ENKUR: variants seen among roughly 807,000 people sequenced by gnomAD.
ENKUR encodes enkurin, TRPC channel interacting protein.
In ENKUR, 19 loss-of-function variants were observed where a neutral mutation model predicts 27.6. The observed-to-expected ratio is 0.69, with a 90% CI of 0.48 to 1.01. ENKUR has a LOEUF of 1.01. Among genes scored for constraint, ENKUR ranks in the 50% least tolerant of loss-of-function variants. The pLI is 0.00. For synonymous variants in ENKUR, 117 were observed against 96.9 expected (o/e 1.21, Z -1.22); for missense variants, 312 against 310.5 (o/e 1.00, Z -0.04).
chr10:25,057,095 A>G (rs1173346134), intron 2 of ENKUR, among the ~76,000 whole-genome samples: 1 of 152,224 alleles, frequency 6.6e-6, no homozygotes, highest in Non-Finnish European at 1.5e-5. Context: ...AGACTCAAGT[A>G]ATAATAGTTG....
upstream of ENKUR, among the ~76,000 whole-genome samples, chr10:25,020,808 C>G (rs1850704754): frequency 6.6e-6 from 1 of 151,134 alleles, no homozygotes; most frequent in Non-Finnish European, 1.5e-5. Flanking sequence ...ATTACTAATA[C>G]AGGTATCAGA....
intron 2 of ENKUR, among the ~76,000 whole-genome samples, chr10:24,997,440 G>A (rs1354992350): frequency 6.7e-6 from 1 of 149,244 alleles, no homozygotes; most frequent in Non-Finnish European, 1.5e-5. Context: ...AGGCTGGAGT[G>A]CAGTGATGCA....
chr10:25,061,862 A>G lies in ENKUR; in HGVS notation c.-222+320T>C, dbSNP rs557700177. 5.9e-5 allele frequency among the ~76,000 whole-genome samples: 9 copies of G among 152,310 alleles called. No individual in the cohort carries two copies. The South Asian group carries it at 1.7e-3, about 28-fold the overall frequency. Reference sequence around the variant, plus strand: ...CTGCTGCATCATCAATGACTGCGTTAGAAACCCCAGCGATTCACTGCTATG... The same window carrying G: ...CTGCTGCATCATCAATGACTGCGTTGGAAACCCCAGCGATTCACTGCTATG... On this transcript the variant is annotated intron_variant, in intron 1 of 5. Transcript: ENST00000615958.
chr10:25,043,475 C>T (rs1374976066), intron 2 of ENKUR, among the ~76,000 whole-genome samples: 2 of 151,888 alleles, frequency 1.3e-5, no homozygotes, highest in African/African-American at 4.8e-5. Context: ...AACATCTTTC[C>T]CCCAGTATAT....
chr10:25,023,239 C>T lies in ENKUR; in HGVS notation c.38-27370G>A, dbSNP rs145170378. ...TGAAAAGAGAATGCTCCACTTTAACCGATGTCATCATCTGAAAAAGATAAC... is the reference window on the plus strand; with the variant it reads ...TGAAAAGAGAATGCTCCACTTTAACTGATGTCATCATCTGAAAAAGATAAC... On this transcript the variant is annotated intron_variant, in intron 2 of 5. Coordinates refer to the ENKUR transcript ENST00000615958. The T allele has an allele frequency of 2.2e-4, 357 of 1,611,318 alleles. 1 individual carries two copies. In the Middle Eastern group the frequency reaches 5.1e-3, roughly 23 times the overall value.
chr10:25,006,420 G>T (rs1258933459), intron 1 of ENKUR, among the ~76,000 whole-genome samples: 1 of 151,830 alleles, frequency 6.6e-6, no homozygotes, highest in Non-Finnish European at 1.5e-5. Flanking sequence ...CTTTGCTTTT[G>T]TCTTTGGACA....
At chr10:25,057,781 G>A (rs560010810) in intron 2 of ENKUR, among the ~76,000 whole-genome samples, 1 of 152,136 alleles carries the variant, frequency 6.6e-6, no homozygotes, top group South Asian at 2.1e-4. Context: ...TTTTGTTTAA[G>A]AGGCAGCCTG....
At chr10:25,037,089 C>T (rs970862071) in intron 2 of ENKUR, among the ~76,000 whole-genome samples, 1 of 152,164 alleles carries the variant, frequency 6.6e-6, no homozygotes, top group African/African-American at 2.4e-5. Context: ...TTCACTTTGC[C>T]TGGAACAAAG....
chr10:25,031,765 A>G (rs1408937341), intron 2 of ENKUR, among the ~76,000 whole-genome samples: 2 of 143,438 alleles, frequency 1.4e-5, no homozygotes, highest in Non-Finnish European at 1.5e-5. Flanking sequence ...AAATTTTTAA[A>G]TTGCTTTCTG....
rs972146844 is a variant in ENKUR at position 25,029,575 on chromosome 10, G to A, written c.37+31537C>T. The stretch of plus-strand genomic sequence containing the variant: ...TTAAAAAAAAAATCATGAAGTAACT[G>A]TTTTCAAATCCATGGAAACATAATA... On this transcript the variant is annotated intron_variant, in intron 2 of 5. Transcript: ENST00000615958. 5.9e-5 allele frequency among the ~76,000 whole-genome samples: 9 copies of A among 152,100 alleles called. No homozygotes were observed. The East Asian group carries it at 1.4e-3, about 23-fold the overall frequency.
intron 2 of ENKUR, among the ~76,000 whole-genome samples, chr10:25,041,401 A>G (rs1295383873): frequency 6.6e-6 from 1 of 151,648 alleles, no homozygotes; most frequent in Non-Finnish European, 1.5e-5. Context: ...GGAGTTTGCT[A>G]AGCTTCTTGA....
chr10:25,005,542 A>T (rs1850292827), intron 1 of ENKUR, among the ~76,000 whole-genome samples: 1 of 152,206 alleles, frequency 6.6e-6, no homozygotes, highest in Non-Finnish European at 1.5e-5. Context: ...GTATTACTGC[A>T]GCATTACACT....
upstream of ENKUR, among the ~76,000 whole-genome samples, chr10:25,017,927 C>T (rs1322201917): frequency 6.6e-6 from 1 of 152,278 alleles, no homozygotes; most frequent in South Asian, 2.1e-4. Flanking sequence ...AGTGGATAGT[C>T]ACTGGCTAAA....
At chr10:24,993,088 G>T (rs575645630) in intron 3 of ENKUR, among the ~76,000 whole-genome samples, 31 of 152,250 alleles carry the variant, frequency 2.0e-4, no homozygotes, top group African/African-American at 6.3e-4. Context: ...GAGCCCAAAA[G>T]TTCAAGACCA....
upstream of ENKUR, among the ~76,000 whole-genome samples, chr10:25,018,939 T>C (rs1376894069): frequency 1.3e-5 from 2 of 152,214 alleles, no homozygotes; most frequent in Non-Finnish European, 2.9e-5. Context: ...AAAATTGTTT[T>C]AGTTGTGAGA....
At chr10:25,004,831 T>G (rs1256919588) in intron 1 of ENKUR, among the ~76,000 whole-genome samples, 1 of 152,244 alleles carries the variant, frequency 6.6e-6, no homozygotes, top group Non-Finnish European at 1.5e-5. Context: ...ATTAAATCTT[T>G]GCCCGTGCCT....
intron 5 of ENKUR, 179 bp from the exon 6 acceptor site, chr10:24,984,555 A>C (rs1047923333): frequency 9.5e-5 from 101 of 1,065,956 alleles, no homozygotes; most frequent in Admixed American, 9.1e-5. Flanking sequence ...GTAAAAACAA[A>C]ATTTCTTCTT....
At chr10:25,050,283 C>T (rs1045668672) in intron 2 of ENKUR, among the ~76,000 whole-genome samples, 1 of 152,066 alleles carries the variant, frequency 6.6e-6, no homozygotes, top group Non-Finnish European at 1.5e-5. Flanking sequence ...GTAAGAGAAA[C>T]CATTTTGTAT....
chr10:25,023,562 A>G lies in ENKUR; in HGVS notation c.38-27693T>C, dbSNP rs199543387. The G allele has an allele frequency of 3.1e-6, 5 of 1,614,148 alleles. No individual in the cohort carries two copies. In the East Asian group the frequency reaches 1.1e-4, roughly 36 times the overall value. On this transcript the variant is annotated intron_variant, in intron 2 of 5. Transcript: ENST00000615958. ...ATGTTGGTAATGAGCAATTTTTAGA[A>G]GAGGAAGGAAAAGCTGTGTTAAACT...
Sources: allele counts gnomAD v4.1 joint callset (sites outside exome capture counted in the v4.1 genomes callset), GRCh38; gene constraint gnomAD v4.1.1; transcripts MANE v1.5; gene names NCBI Gene and HGNC (gene_info 2026-07-23, HGNC 2026-07-21).